SEMA6D: variants seen among roughly 807,000 people sequenced by gnomAD.
The protein encoded by SEMA6D is semaphorin 6D, also known as semaphorin-6D.
A neutral mutation model predicts 106.6 loss-of-function variants in SEMA6D; 35 were observed. The observed-to-expected ratio is 0.33, with a 90% confidence interval of 0.25 to 0.44. The LOEUF is 0.44. Ranked by LOEUF, SEMA6D falls within the 20% of genes least tolerant of loss-of-function variation. The pLI, the probability that SEMA6D is intolerant of heterozygous loss-of-function variation, is 1.00. For synonymous variants in SEMA6D, 499 were observed against 487.7 expected (o/e 1.02, Z -0.31); for missense variants, 1,185 against 1,345.9 (o/e 0.88, Z 1.87).
intron 1 of SEMA6D, among the ~76,000 whole-genome samples, chr15:47,336,882 T>G (rs1191235643): frequency 6.6e-6 from 1 of 152,170 alleles, no homozygotes; most frequent in African/African-American, 2.4e-5. Context: ...CTTGGAAGGC[T>G]GCTACTTTGT....
intron 1 of SEMA6D, among the ~76,000 whole-genome samples, chr15:47,264,285 C>T (rs1039719495): frequency 6.6e-6 from 1 of 151,508 alleles, no homozygotes; most frequent in Non-Finnish European, 1.5e-5. Context: ...CAACAAACCC[C>T]ATGACACAAG....
At chr15:47,632,461 G>T (rs1294101085) in intron 4 of SEMA6D, among the ~76,000 whole-genome samples, 1 of 148,706 alleles carries the variant, frequency 6.7e-6, no homozygotes, top group African/African-American at 2.4e-5. Flanking sequence ...TTCAGTGGTT[G>T]GCTCATGTGG....
chr15:47,440,738 A>G (rs1014259221), intron 2 of SEMA6D, among the ~76,000 whole-genome samples: 3 of 152,140 alleles, frequency 2.0e-5, no homozygotes, highest in African/African-American at 4.8e-5. Flanking sequence ...GTGTTGGTCA[A>G]TAAGAAATGC....
At chr15:47,340,818 G>T (rs2045274320) in intron 1 of SEMA6D, among the ~76,000 whole-genome samples, 1 of 152,142 alleles carries the variant, frequency 6.6e-6, no homozygotes, top group South Asian at 2.1e-4. Flanking sequence ...TCCTTTCTGA[G>T]GTCCTGGTGT....
intron 3 of SEMA6D, among the ~76,000 whole-genome samples, chr15:47,491,588 A>G (rs2141440649): frequency 6.6e-6 from 1 of 152,290 alleles, no homozygotes; most frequent in South Asian, 2.1e-4. Flanking sequence ...GGTGCTCATT[A>G]ATGTAAGTGA....
chr15:47,268,710 C>T (rs1035950051), intron 1 of SEMA6D, among the ~76,000 whole-genome samples: 4 of 152,132 alleles, frequency 2.6e-5, no homozygotes, highest in Non-Finnish European at 5.9e-5. Flanking sequence ...CTTGGACCTG[C>T]TTCTCCTTTA....
intron 3 of SEMA6D, among the ~76,000 whole-genome samples, chr15:47,487,860 A>T (rs2043343541): frequency 6.6e-6 from 1 of 152,180 alleles, no homozygotes; most frequent in Admixed American, 6.5e-5. Flanking sequence ...CTTCAATATT[A>T]TAAAATATAT....
At chr15:47,340,793 ACCACC>A (rs1266026446) in intron 1 of SEMA6D, among the ~76,000 whole-genome samples, 19 of 152,128 alleles carry the variant, frequency 1.2e-4, no homozygotes, top group African/African-American at 4.6e-4. Context: ...ATAGAGAAAT[ACCACC>A]CTCACTCTGT....
chr15:47,422,180 GCCTTCCTT>G (rs68039702), intron 2 of SEMA6D, among the ~76,000 whole-genome samples: 2,961 of 112,822 alleles, frequency 0.026, 106 homozygotes, highest in African/African-American at 0.081. Flanking sequence ...CCGCCTGCCT[GCCTTCCTT>G]CCTTCCTTCC....
intron 2 of SEMA6D, among the ~76,000 whole-genome samples, chr15:47,437,386 T>C (rs1462875472): frequency 2.6e-5 from 4 of 152,128 alleles, no homozygotes; most frequent in Admixed American, 2.0e-4. Context: ...TACTGTTAAA[T>C]GAATGAATGT....
At chr15:47,303,100 A>G (rs1173406772) in intron 1 of SEMA6D, among the ~76,000 whole-genome samples, 1 of 152,218 alleles carries the variant, frequency 6.6e-6, no homozygotes, top group Non-Finnish European at 1.5e-5. Context: ...CATGTGAGAA[A>G]TAGCCTTTTC....
intron 2 of SEMA6D, among the ~76,000 whole-genome samples, chr15:47,445,654 C>T (rs1049306317): frequency 2.0e-5 from 3 of 152,014 alleles, no homozygotes; most frequent in Non-Finnish European, 4.4e-5. Flanking sequence ...ATTGCTGAAC[C>T]GTTCCCCTTT....
rs555865509 is a variant in SEMA6D at position 47,369,938 on chromosome 15, T to G, written c.-238-42455T>G. On this transcript the variant is annotated intron_variant, in intron 1 of 19. Transcript: ENST00000558014. ...TTTAAGCACATTGCATTGGATTGAC[T>G]CAGCTCTGTGAAAGAGATGCTCTTA... 2.6e-5 allele frequency among the ~76,000 whole-genome samples: 4 copies of G among 152,352 alleles called. No homozygotes were observed. The South Asian group carries it at 6.2e-4, about 24-fold the overall frequency.
intron 1 of SEMA6D, chr15:47,730,246 C>T: frequency 6.5e-7 from 1 of 1,538,272 alleles, no homozygotes; most frequent in Non-Finnish European, 8.9e-7. Context: ...GACGGCGGAT[C>T]TCATCGTATC....
intron 1 of SEMA6D, among the ~76,000 whole-genome samples, chr15:47,407,283 C>T (rs569389622): frequency 1.4e-4 from 20 of 147,506 alleles, no homozygotes; most frequent in African/African-American, 4.5e-4. Flanking sequence ...GCAGGAAAAT[C>T]GCTTGAGCCT....
intron 2 of SEMA6D, among the ~76,000 whole-genome samples, chr15:47,456,865 A>G (rs1324458588): frequency 1.3e-5 from 2 of 151,960 alleles, no homozygotes. Flanking sequence ...AAGACAGAGT[A>G]CTGAAAAGAA....
chr15:47,494,569 A>G (rs2043576411), intron 3 of SEMA6D, among the ~76,000 whole-genome samples: 1 of 151,168 alleles, frequency 6.6e-6, no homozygotes, highest in African/African-American at 2.4e-5. Flanking sequence ...TAATTTTGGG[A>G]ATTTTGAATA....
chr15:47,690,831 A>G (rs1394342704), intron 4 of SEMA6D, among the ~76,000 whole-genome samples: 1 of 152,220 alleles, frequency 6.6e-6, no homozygotes, highest in Non-Finnish European at 1.5e-5. Context: ...AACCTTAAAA[A>G]GGTATAAAAA....
In SEMA6D at chr15:47,710,549, C is replaced by T. The variant is rs180953987; in HGVS notation, c.-54-49196C>T. Among the ~76,000 whole-genome samples, 242 of 152,162 alleles carry T rather than the reference C, an allele frequency of 1.6e-3. 2 individuals carry two copies. Among genetic ancestry groups the T allele is most frequent in the African/African-American group, 5.6e-3 (233 of 41,510 alleles). The stretch of plus-strand genomic sequence containing the variant: ...TTTATTATAGCAAAAGAATTCATAA[C>T]GCCTTAAACAGAAACTCTTGGAGGA... On this transcript the variant is annotated intron_variant, in intron 4 of 19. Transcript: ENST00000558014.
Sources: allele counts gnomAD v4.1 joint callset (sites outside exome capture counted in the v4.1 genomes callset), GRCh38; gene constraint gnomAD v4.1.1; transcripts MANE v1.5; gene names NCBI Gene and HGNC (gene_info 2026-07-23, HGNC 2026-07-21).